Variants in OPCML observed in about 807,000 individuals in gnomAD.
The protein encoded by OPCML is opioid binding protein/cell adhesion molecule like.
In OPCML, 13 loss-of-function variants were observed where a neutral mutation model predicts 37.8. That is an observed-to-expected ratio of 0.34 (90% confidence interval 0.22 to 0.55). The LOEUF is 0.55. Ranked by LOEUF, OPCML falls within the 20% of genes least tolerant of loss-of-function variation. OPCML has a pLI of 0.91. For synonymous variants in OPCML, 176 were observed against 168.8 expected, an observed-to-expected ratio of 1.04 and a Z score of -0.33; for missense variants, 341 against 435.6, an observed-to-expected ratio of 0.78 and a Z score of 1.93.
intron 1 of OPCML, among the ~76,000 whole-genome samples, chr11:133,140,855 AAGAAGACGACG>A (rs1949784216): frequency 1.7e-5 from 1 of 58,064 alleles, no homozygotes; most frequent in African/African-American, 3.9e-5. Flanking sequence ...GACGACGACG[AAGAAGACGACG>A]ACGACGAAGA....
intron 2 of OPCML, among the ~76,000 whole-genome samples, chr11:132,868,472 C>A (rs751970081): frequency 6.6e-6 from 1 of 152,002 alleles, no homozygotes; most frequent in Non-Finnish European, 1.5e-5. Context: ...CTTAACATTC[C>A]TTTATGTCAA....
At chr11:133,434,612 C>A (rs936507625) in intron 1 of OPCML, among the ~76,000 whole-genome samples, 1 of 151,776 alleles carries the variant, frequency 6.6e-6, no homozygotes, top group Non-Finnish European at 1.5e-5. Flanking sequence ...GCACCCATTA[C>A]CAAGTTTATC....
Position 132,928,217 on chromosome 11 carries a change from A to T in OPCML, c.146+14709T>A, listed in dbSNP as rs75455161. ...ATGGATTAAAAAACAGCATCCAACT[A>T]TATGCTGTGTCCAAGAGACCCAGTT... On this transcript the variant is annotated intron_variant, in intron 2 of 7. Coordinates refer to ENST00000524381, the MANE Select transcript of OPCML (RefSeq NM_001012393.5). 4.8e-4 allele frequency among the ~76,000 whole-genome samples: 73 copies of T among 152,144 alleles called. No homozygotes were observed. The East Asian group carries it at 9.8e-3, about 21-fold the overall frequency.
At chr11:132,520,043 A>G (rs537899996) in intron 4 of OPCML, among the ~76,000 whole-genome samples, 1 of 152,256 alleles carries the variant, frequency 6.6e-6, no homozygotes, top group South Asian at 2.1e-4. Context: ...TGTGGCTTTG[A>G]TTTGGAGGCT....
At chr11:133,476,899 T>C (rs549674439) in intron 1 of OPCML, among the ~76,000 whole-genome samples, 8 of 152,342 alleles carry the variant, frequency 5.3e-5, no homozygotes, top group Non-Finnish European at 1.0e-4. Context: ...TCATAAATTA[T>C]GGCATCAATA....
In OPCML at chr11:133,419,296, T is replaced by C. The variant is rs1045314329; in HGVS notation, c.61+112968A>G. ...ATGTGGAATTTGTGAAACCTCGAGA[T>C]GTCTGGTGTAAACTGGAAAATAGGC... On this transcript the variant is annotated intron_variant, in intron 1 of 7. Coordinates refer to ENST00000524381, the MANE Select transcript of OPCML (RefSeq NM_001012393.5). 4 of 985,272 alleles carry C rather than the reference T, an allele frequency of 4.1e-6. No homozygotes were observed. In the East Asian group the frequency reaches 4.5e-4, roughly 112 times the overall value. 61.0% of individuals were successfully genotyped at this position (985,272 alleles called of 1,614,324 possible).
intron 1 of OPCML, among the ~76,000 whole-genome samples, chr11:133,079,845 C>A (rs138874012): frequency 2.0e-5 from 3 of 152,160 alleles, no homozygotes; most frequent in African/African-American, 7.2e-5. Flanking sequence ...GCAGGCTCTG[C>A]CTTTTGCTCC....
chr11:133,275,770 T>C (rs1482913813), intron 1 of OPCML, among the ~76,000 whole-genome samples: 2 of 152,220 alleles, frequency 1.3e-5, no homozygotes, highest in African/African-American at 4.8e-5. Flanking sequence ...GGATATTCAA[T>C]AGACATTTGT....
At chr11:132,443,657 G>A (rs944644243) in intron 4 of OPCML, among the ~76,000 whole-genome samples, 4 of 152,170 alleles carry the variant, frequency 2.6e-5, no homozygotes, top group African/African-American at 9.7e-5. Context: ...CTTCTGTAAG[G>A]GAAGAACCAT....
chr11:132,514,125 G>C (rs1263852847), intron 4 of OPCML, among the ~76,000 whole-genome samples: 1 of 151,996 alleles, frequency 6.6e-6, no homozygotes, highest in East Asian at 1.9e-4. Flanking sequence ...ATTTATTTTT[G>C]TCTGCCTTTT....
intron 2 of OPCML, among the ~76,000 whole-genome samples, chr11:132,695,542 G>A (rs1471013771): frequency 1.3e-5 from 2 of 152,176 alleles, no homozygotes; most frequent in Non-Finnish European, 2.9e-5. Context: ...TTCATGACCA[G>A]GCTGAATAAC....
chr11:133,357,916 C>T (rs991069017), intron 1 of OPCML, among the ~76,000 whole-genome samples: 1 of 152,116 alleles, frequency 6.6e-6, no homozygotes, highest in Non-Finnish European at 1.5e-5. Context: ...CTCCACTCTC[C>T]ACTGTCCCCA....
At chr11:132,886,442 C>G (rs888578802) in intron 2 of OPCML, among the ~76,000 whole-genome samples, 3 of 152,186 alleles carry the variant, frequency 2.0e-5, no homozygotes, top group Non-Finnish European at 2.9e-5. Flanking sequence ...TGCACAATGG[C>G]TTCTTCATTC....
At chr11:132,770,337 G>A (rs891658791) in intron 2 of OPCML, among the ~76,000 whole-genome samples, 2 of 152,014 alleles carry the variant, frequency 1.3e-5, no homozygotes, top group African/African-American at 4.8e-5. Context: ...AGTTAGTTTT[G>A]TGCTGGAGCA....
chr11:133,075,654 G>A (rs1002155951), intron 1 of OPCML, among the ~76,000 whole-genome samples: 1 of 152,162 alleles, frequency 6.6e-6, no homozygotes, highest in African/African-American at 2.4e-5. Context: ...CTACTCTGGG[G>A]AGAGATCTGA....
At chr11:132,656,964 ACT>A in intron 3 of OPCML, 121 bp downstream of exon 3, 1 of 1,472,716 alleles carries the variant, frequency 6.8e-7, no homozygotes, top group Non-Finnish European at 9.1e-7. Context: ...ATATAGTCAA[ACT>A]CTGAATTCAG....
At chr11:132,617,582 T>C (rs1939118306) in intron 3 of OPCML, among the ~76,000 whole-genome samples, 2 of 152,210 alleles carry the variant, frequency 1.3e-5, no homozygotes, top group Non-Finnish European at 2.9e-5. Flanking sequence ...TGTCTCAGTC[T>C]TCTCAGGCTG....
intron 1 of OPCML, among the ~76,000 whole-genome samples, chr11:133,499,255 G>C (rs1324219483): frequency 6.6e-6 from 1 of 152,156 alleles, no homozygotes; most frequent in Non-Finnish European, 1.5e-5. Context: ...GCGAGGGGCA[G>C]GCAGGGTCAG....
chr11:132,928,592 A>G (rs1945080745), intron 2 of OPCML, among the ~76,000 whole-genome samples: 1 of 152,078 alleles, frequency 6.6e-6, no homozygotes. Context: ...GGAAATAAAG[A>G]GCTTGAACAA....
Sources: allele counts gnomAD v4.1 joint callset (sites outside exome capture counted in the v4.1 genomes callset), GRCh38; gene constraint gnomAD v4.1.1; transcripts MANE v1.5; gene names NCBI Gene and HGNC (gene_info 2026-07-23, HGNC 2026-07-21).